Variants in VAC14 observed in about 807,000 individuals in gnomAD.
VAC14 encodes protein VAC14 homolog.
Under a neutral mutation model 85.3 loss-of-function variants are expected in VAC14, and 47 were observed. The ratio of observed to expected loss-of-function variants is 0.55; its 90% CI spans 0.44 to 0.70. VAC14 has a LOEUF of 0.70. Ranked by LOEUF, VAC14 falls within the 30% of genes least tolerant of loss-of-function variation. The probability of loss-of-function intolerance (pLI) is 0.00; values close to 1 mark genes in which losing one functional copy is unlikely to be tolerated. For missense variants in VAC14, 861 were observed against 1,004.3 expected (o/e 0.86, Z 1.93); for synonymous variants, 447 against 430.5 (o/e 1.04, Z -0.47).
intron 12 of VAC14, among the ~76,000 whole-genome samples, chr16:70,753,962 G>A (rs556293436): frequency 1.9e-4 from 29 of 152,238 alleles, no homozygotes; most frequent in Admixed American, 9.2e-4. Flanking sequence ...TGGGAGAGCC[G>A]CCTCCCTTTC....
rs71401826 is a variant in VAC14 at position 70,701,519 on chromosome 16, C to T, written c.1662-2708G>A. 2.0e-5 allele frequency among the ~76,000 whole-genome samples: 3 copies of T among 152,050 alleles called. No individual in the cohort carries two copies. The East Asian group carries it at 5.8e-4, about 29-fold the overall frequency. ...TACCCTGGGAGCACAACCTACACGG[C>T]CACCCTGCCCCACACACCCGCCCCC... On this transcript the variant is annotated intron_variant, in intron 14 of 18. Transcript: ENST00000261776.
chr16:70,791,768 A>G (rs563352585), intron 1 of VAC14, among the ~76,000 whole-genome samples: 57 of 152,302 alleles, frequency 3.7e-4, no homozygotes, highest in Non-Finnish European at 7.1e-4. Flanking sequence ...CGAGTTCAGA[A>G]CTTTGAGTGC....
chr16:70,717,891 T>C (rs962400482), intron 14 of VAC14, among the ~76,000 whole-genome samples: 7 of 152,234 alleles, frequency 4.6e-5, no homozygotes, highest in Non-Finnish European at 8.8e-5. Flanking sequence ...TGGGCTCAAG[T>C]GATCTGCCTG....
intron 17 of VAC14, among the ~76,000 whole-genome samples, 195 bp from the exon 18 acceptor site, chr16:70,693,166 C>T (rs981030377): frequency 1.3e-5 from 2 of 152,200 alleles, no homozygotes; most frequent in Non-Finnish European, 2.9e-5. Context: ...CACAGCCAGT[C>T]GCGCTGCCCC....
chr16:70,745,834 A>G (rs887975652), intron 12 of VAC14, among the ~76,000 whole-genome samples: 4 of 82,308 alleles, frequency 4.9e-5, no homozygotes, highest in African/African-American at 1.2e-4. Context: ...CCGGGGCTTC[A>G]GCCCTGGACC....
In VAC14 at chr16:70,688,034, T is replaced by G; in HGVS notation, c.2243A>C (p.Tyr748Ser). ...CTCAAAGTGCTGCAGCAGCTCTGCGTAGTCGATGCTAGGGGAGTCAGCTTT... is the reference window on the plus strand; with the variant it reads ...CTCAAAGTGCTGCAGCAGCTCTGCGGAGTCGATGCTAGGGGAGTCAGCTTT... ...SQKADSPSID[Y>S]AELLQHFEKV... Residue 748 changes from tyrosine (Y) to serine (S), a missense_variant, in exon 19 of 19, where the codon TAC becomes TCC. Tyr to Ser is a moderately radical substitution (Grantham distance 144). This residue lies in a region of VAC14 where 163 missense variants were observed against 162.2 expected (regional missense o/e 1.00). Transcript: ENST00000261776. The G allele has an allele frequency of 1.9e-6, 3 of 1,605,054 alleles. No homozygotes were observed. The highest frequency in any genetic ancestry group is 2.6e-6 in the Non-Finnish European group (3 of 1,174,772).
At chr16:70,688,180 C>T (rs1460347849) in intron 18 of VAC14, 90 bp from the exon 19 acceptor site, 42 of 1,374,726 alleles carry the variant, frequency 3.1e-5, no homozygotes, top group Non-Finnish European at 3.7e-5. Flanking sequence ...GGCAGAGCCA[C>T]AGGCTGGTGG....
intron 13 of VAC14, among the ~76,000 whole-genome samples, chr16:70,742,608 G>A (rs1178530021): frequency 1.6e-4 from 25 of 152,242 alleles, no homozygotes; most frequent in Admixed American, 1.6e-3. Context: ...TCCTGGGCAA[G>A]GCCCCACATG....
At chr16:70,708,808 C>T (rs982499853) in intron 14 of VAC14, among the ~76,000 whole-genome samples, 6 of 152,084 alleles carry the variant, frequency 3.9e-5, no homozygotes, top group Non-Finnish European at 5.9e-5. Context: ...CAGCTGGGTG[C>T]GGGGAGGAGG....
chr16:70,791,510 G>A (rs1167157992), intron 1 of VAC14, among the ~76,000 whole-genome samples: 1 of 152,246 alleles, frequency 6.6e-6, no homozygotes, highest in Admixed American at 6.5e-5. Context: ...TCAACCTCCT[G>A]AGTAGCTGGA....
chr16:70,717,892 G>C (rs2054201769), intron 14 of VAC14, among the ~76,000 whole-genome samples: 1 of 152,242 alleles, frequency 6.6e-6, no homozygotes, highest in Non-Finnish European at 1.5e-5. Flanking sequence ...GGGCTCAAGT[G>C]ATCTGCCTGC....
intron 14 of VAC14, among the ~76,000 whole-genome samples, chr16:70,724,409 A>G (rs1321198517): frequency 1.3e-5 from 2 of 152,172 alleles, no homozygotes; most frequent in Non-Finnish European, 2.9e-5. Flanking sequence ...TCATTTTGCC[A>G]TGGACTAGGG....
intron 10 of VAC14, among the ~76,000 whole-genome samples, chr16:70,767,137 T>C (rs1470512821): frequency 1.3e-5 from 2 of 152,224 alleles, no homozygotes; most frequent in African/African-American, 2.4e-5. Context: ...CATCTTATAA[T>C]GAATGTCTTA....
intron 9 of VAC14, among the ~76,000 whole-genome samples, chr16:70,775,893 G>A (rs1217151017): frequency 6.6e-6 from 1 of 152,172 alleles, no homozygotes; most frequent in African/African-American, 2.4e-5. Flanking sequence ...GGGAAGGATT[G>A]GGCACTTCTT....
intron 12 of VAC14, among the ~76,000 whole-genome samples, chr16:70,759,456 G>A (rs1281371283): frequency 2.6e-5 from 4 of 152,110 alleles, no homozygotes; most frequent in Admixed American, 6.5e-5. Flanking sequence ...GTGAAAGCCC[G>A]TCTCTACTAA....
intron 1 of VAC14, among the ~76,000 whole-genome samples, chr16:70,791,631 C>A (rs530326275): frequency 1.2e-3 from 186 of 152,282 alleles, no homozygotes; most frequent in Non-Finnish European, 2.3e-3. Flanking sequence ...AGTGATCCGC[C>A]CACCTTGGCC....
intron 1 of VAC14, 102 bp from the exon 2 acceptor site, chr16:70,786,467 G>A: frequency 2.7e-6 from 4 of 1,463,402 alleles, no homozygotes; most frequent in East Asian, 2.3e-5. Context: ...TGTTTGGAAA[G>A]AGGAAATGGG....
chr16:70,778,022 G>A (rs774829667), intron 9 of VAC14, among the ~76,000 whole-genome samples: 12 of 152,262 alleles, frequency 7.9e-5, no homozygotes, highest in Non-Finnish European at 1.5e-4. Flanking sequence ...ATGTAAAGGC[G>A]CCAAATTAGC....
At chr16:70,695,688 C>A in intron 16 of VAC14, 65 bp from the exon 17 acceptor site, 2 of 1,497,648 alleles carry the variant, frequency 1.3e-6, no homozygotes, top group Non-Finnish European at 1.9e-6. Context: ...CAGCACCACA[C>A]GCCCTCCCCC....
Sources: allele counts gnomAD v4.1 joint callset (sites outside exome capture counted in the v4.1 genomes callset), GRCh38; gene constraint gnomAD v4.1.1; regional missense constraint gnomAD v4.1.1; transcripts MANE v1.5; gene names NCBI Gene and HGNC (gene_info 2026-07-23, HGNC 2026-07-21).